H2BC6: variants seen among roughly 807,000 people sequenced by gnomAD.
H2BC6 encodes the protein histone H2B type 1-C/E/F/G/I.
Under a neutral mutation model 6.1 loss-of-function variants are expected in H2BC6, and 8 were observed. The ratio of observed to expected loss-of-function variants is 1.31; its 90% CI spans 0.77 to 2.36. H2BC6 has a LOEUF of 2.36. Among genes scored for constraint, H2BC6 ranks in the 30% most tolerant of loss-of-function variants. The pLI is 0.00. For missense variants in H2BC6, 212 were observed against 169.9 expected, an observed-to-expected ratio of 1.25 and a Z score of -1.38; for synonymous variants, 136 against 73.9, an observed-to-expected ratio of 1.84 and a Z score of -4.31.
rs540248226 is a variant in H2BC6 at position 26,184,214 on chromosome 6, C to G, written c.*38C>G. 2 of 1,605,228 alleles carry G rather than the reference C, an allele frequency of 1.2e-6. No individual in the cohort carries two copies. Among genetic ancestry groups the G allele is most frequent in the Non-Finnish European group, 8.5e-7 (1 of 1,175,788 alleles). On this transcript the variant is annotated 3_prime_UTR_variant, in exon 1 of 1. Transcript: ENST00000614097. ...AACTGCCTTAGTAAACCCAAAGGCT[C>G]TTTTCAGAGCCACTCACCTTTTCAC...
Position 26,183,993 on chromosome 6 carries a change from T to C in H2BC6, c.198T>C (p.Phe66=), listed in dbSNP as rs779423507. ...SSKAMGIMNS[F]VNDIFERIAG... ...AAGCCATGGGGATCATGAATTCCTT[T>C]GTCAACGACATCTTCGAGCGCATCG... Residue 66 remains phenylalanine, a synonymous_variant, in exon 1 of 1, where the codon TTT becomes TTC. Coordinates refer to ENST00000614097, the MANE Select transcript of H2BC6 (RefSeq NM_003523.3). The C allele has an allele frequency of 5.0e-6, 8 of 1,614,240 alleles. No individual in the cohort carries two copies. The Admixed American group carries it at 6.7e-5, about 13-fold the overall frequency.
In H2BC6 at chr6:26,184,195, C is replaced by G. The variant is rs1764746973; in HGVS notation, c.*19C>G. 3.7e-6 allele frequency: 6 copies of G among 1,612,916 alleles called. No individual in the cohort carries two copies. The East Asian group carries it at 1.3e-4, about 36-fold the overall frequency. ...CAAGTAAACTTGTCCCTGCAACTGC[C>G]TTAGTAAACCCAAAGGCTCTTTTCA... On this transcript the variant is annotated 3_prime_UTR_variant, in exon 1 of 1. Transcript: ENST00000614097.
rs1764743075 is a variant in H2BC6, at chr6:26,184,036, C to T, written c.241C>T (p.Leu81=). The change falls in exon 1 of 1, where the codon CTG becomes TTG. Residue 81 remains leucine, a synonymous_variant. Transcript: ENST00000614097. ...FERIAGEASR[L]AHYNKRSTIT... ...GCGCATCGCCGGCGAGGCTTCCCGC[C>T]TGGCGCATTACAACAAGCGCTCGAC... The T allele has an allele frequency of 6.2e-7, 1 of 1,614,248 alleles. No individual in the cohort carries two copies. Among genetic ancestry groups the T allele is most frequent in the Non-Finnish European group, 8.5e-7 (1 of 1,180,040 alleles).
chr6:26,184,152 T>C lies in H2BC6; in HGVS notation c.357T>C (p.Val119=), dbSNP rs1180019346. 1 of 1,614,210 alleles carries C rather than the reference T, an allele frequency of 6.2e-7. No individual in the cohort carries two copies. Among genetic ancestry groups the C allele is most frequent in the Non-Finnish European group, 8.5e-7 (1 of 1,180,032 alleles). Residue 119 remains valine, a synonymous_variant, in exon 1 of 1, where the codon GTT becomes GTC. Transcript: ENST00000614097. ...CTGTGTCAGAGGGCACCAAGGCCGTTACCAAGTACACCAGCTCCAAGTAAA... is the reference window on the plus strand; with the variant it reads ...CTGTGTCAGAGGGCACCAAGGCCGTCACCAAGTACACCAGCTCCAAGTAAA... ...KHAVSEGTKA[V]TKYTSSK
In H2BC6 at chr6:26,184,128, T is replaced by C. The variant is rs767737385; in HGVS notation, c.333T>C (p.Ala111=). ...LLLPGELAKH[A]VSEGTKAVTK... ...TTCCCGGGGAGCTGGCCAAGCACGC[T>C]GTGTCAGAGGGCACCAAGGCCGTTA... Residue 111 remains alanine (A), a synonymous_variant, in exon 1 of 1, where the codon GCT becomes GCC. Coordinates refer to ENST00000614097, the MANE Select transcript of H2BC6 (RefSeq NM_003523.3). 3.7e-6 allele frequency: 6 copies of C among 1,614,116 alleles called. No homozygotes were observed. The highest frequency in any genetic ancestry group is 2.2e-5 in the East Asian group (1 of 44,906).
chr6:26,183,999 C>T lies in H2BC6; in HGVS notation c.204C>T (p.Asn68=). 5.6e-6 allele frequency: 9 copies of T among 1,614,250 alleles called. No homozygotes were observed. Among genetic ancestry groups the T allele is most frequent in the Non-Finnish European group, 7.6e-6 (9 of 1,180,044 alleles). The change falls in exon 1 of 1, where the codon AAC becomes AAT. Residue 68 remains asparagine, a synonymous_variant. Transcript: ENST00000614097. The part of the protein sequence containing the change: ...KAMGIMNSFV[N]DIFERIAGEA... ...TGGGGATCATGAATTCCTTTGTCAA[C>T]GACATCTTCGAGCGCATCGCCGGCG...
rs989909848 is a variant in H2BC6 at position 26,183,841 on chromosome 6, A to G, written c.46A>G (p.Lys16Glu). 1.2e-5 allele frequency: 19 copies of G among 1,614,250 alleles called. No individual in the cohort carries two copies. Among genetic ancestry groups the G allele is most frequent in the Non-Finnish European group, 1.4e-5 (17 of 1,180,038 alleles). The change falls in exon 1 of 1, where the codon AAG becomes GAG. Residue 16 changes from lysine to glutamate, a missense_variant. Lys to Glu is a moderately conservative substitution (Grantham distance 56). Transcript: ENST00000614097. Reference sequence around the variant, plus strand: ...CGCTCCCGCCCCGAAGAAGGGCTCCAAGAAGGCCGTGACCAAGGCGCAGAA... The same window carrying G: ...CGCTCCCGCCCCGAAGAAGGGCTCCGAGAAGGCCGTGACCAAGGCGCAGAA... ...KSAPAPKKGSKKAVTKAQKKD... is the reference protein window; with the variant it reads ...KSAPAPKKGSEKAVTKAQKKD...
rs1048570448 is a variant in H2BC6, at chr6:26,183,906, C to T, written c.111C>T (p.Ser37=). The T allele has an allele frequency of 1.9e-6, 3 of 1,614,164 alleles. No individual in the cohort carries two copies. In the African/African-American group the frequency reaches 4.0e-5, roughly 22 times the overall value. ...AGCGCAAGCGCAGCCGCAAGGAGAG[C>T]TACTCCGTATACGTGTACAAGGTGC... The part of the protein sequence containing the change: ...GKKRKRSRKE[S]YSVYVYKVLK... The change falls in exon 1 of 1, where the codon AGC becomes AGT. Residue 37 remains serine, a synonymous_variant. Transcript: ENST00000614097.
rs911935879 is a variant in H2BC6 at position 26,184,191 on chromosome 6, C to G, written c.*15C>G. 2 of 1,613,238 alleles carry G rather than the reference C, an allele frequency of 1.2e-6. No homozygotes were observed. The highest frequency in any genetic ancestry group is 2.7e-5 in the African/African-American group (2 of 74,878). ...GCTCCAAGTAAACTTGTCCCTGCAA[C>G]TGCCTTAGTAAACCCAAAGGCTCTT... On this transcript the variant is annotated 3_prime_UTR_variant, in exon 1 of 1. Transcript: ENST00000614097.
rs369028901 is a variant in H2BC6, at chr6:26,183,915, A to T, written c.120A>T (p.Val40=). ...GCAGCCGCAAGGAGAGCTACTCCGT[A>T]TACGTGTACAAGGTGCTGAAACAGG... is the stretch of plus-strand genomic sequence containing the variant. ...RKRSRKESYS[V]YVYKVLKQVH... Residue 40 remains valine (V), a synonymous_variant, in exon 1 of 1, where the codon GTA becomes GTT. Coordinates refer to ENST00000614097, the MANE Select transcript of H2BC6 (RefSeq NM_003523.3). The T allele has an allele frequency of 1.2e-6, 2 of 1,614,262 alleles. No homozygotes were observed. The highest frequency in any genetic ancestry group is 1.7e-5 in the Admixed American group (1 of 60,034).
rs771832548 is a variant in H2BC6, at chr6:26,184,173, G to C, written c.378G>C (p.Lys126Asn). 1.2e-6 allele frequency: 2 copies of C among 1,614,050 alleles called. No individual in the cohort carries two copies. Among genetic ancestry groups the C allele is most frequent in the South Asian group, 1.1e-5 (1 of 91,082 alleles). ...CCGTTACCAAGTACACCAGCTCCAAGTAAACTTGTCCCTGCAACTGCCTTA... is the reference window on the plus strand; with the variant it reads ...CCGTTACCAAGTACACCAGCTCCAACTAAACTTGTCCCTGCAACTGCCTTA... ...TKAVTKYTSS[K>N] Residue 126 changes from lysine to asparagine, a missense_variant, in exon 1 of 1, where the codon AAG (lysine) becomes AAC (asparagine). Physicochemically the swap from Lys to Asn is moderately conservative, Grantham distance 94. Coordinates refer to ENST00000614097, the MANE Select transcript of H2BC6 (RefSeq NM_003523.3).
Position 26,183,989 on chromosome 6 carries a change from C to T in H2BC6, c.194C>T (p.Ser65Phe), listed in dbSNP as rs1234254966. 10 of 1,614,268 alleles carry T rather than the reference C, an allele frequency of 6.2e-6. No individual in the cohort carries two copies. The highest frequency in any genetic ancestry group is 7.6e-6 in the Non-Finnish European group (9 of 1,180,046). The change falls in exon 1 of 1, where the codon TCC becomes TTC. Residue 65 changes from serine (S) to phenylalanine (F), a missense_variant. Ser to Phe is a radical substitution (Grantham distance 155, BLOSUM62 -2). Transcript: ENST00000614097. Reference protein sequence around the residue: ...ISSKAMGIMNSFVNDIFERIA... With the variant: ...ISSKAMGIMNFFVNDIFERIA... ...TCTAAAGCCATGGGGATCATGAATT[C>T]CTTTGTCAACGACATCTTCGAGCGC...
In H2BC6 at chr6:26,183,783, C is replaced by A. The variant is rs116848504; in HGVS notation, c.-13C>A. ...TTCATTTTCTTTCCTAACTGCAGAA[C>A]AGCAAAGATAGCATGCCTGAGCCAG... On this transcript the variant is annotated 5_prime_UTR_variant, in exon 1 of 1. Coordinates refer to ENST00000614097, the MANE Select transcript of H2BC6 (RefSeq NM_003523.3). 2.9e-5 allele frequency: 46 copies of A among 1,613,580 alleles called. 2 individuals are homozygous for A. The highest frequency in any genetic ancestry group is 2.2e-4 in the East Asian group (10 of 44,886).
chr6:26,183,946 C>G lies in H2BC6; in HGVS notation c.151C>G (p.Pro51Ala). 6.2e-7 allele frequency: 1 copy of G among 1,614,236 alleles called. No individual in the cohort carries two copies. The highest frequency in any genetic ancestry group is 8.5e-7 in the Non-Finnish European group (1 of 1,180,046). ...GTACAAGGTGCTGAAACAGGTCCAC[C>G]CCGACACCGGCATCTCCTCTAAAGC... Reference protein sequence around the residue: ...YVYKVLKQVHPDTGISSKAMG... With the variant: ...YVYKVLKQVHADTGISSKAMG... The change falls in exon 1 of 1, where the codon CCC becomes GCC. Residue 51 changes from proline to alanine, a missense_variant. Coordinates refer to ENST00000614097, the MANE Select transcript of H2BC6 (RefSeq NM_003523.3).
Position 26,183,927 on chromosome 6 carries a change from G to A in H2BC6, c.132G>A (p.Lys44=), listed in dbSNP as rs1372282406. 4 of 1,614,132 alleles carry A rather than the reference G, an allele frequency of 2.5e-6. No individual in the cohort carries two copies. The highest frequency in any genetic ancestry group is 3.4e-6 in the Non-Finnish European group (4 of 1,180,052). Reference sequence around the variant, plus strand: ...AGAGCTACTCCGTATACGTGTACAAGGTGCTGAAACAGGTCCACCCCGACA... The same window carrying A: ...AGAGCTACTCCGTATACGTGTACAAAGTGCTGAAACAGGTCCACCCCGACA... The part of the protein sequence containing the change: ...RKESYSVYVY[K]VLKQVHPDTG... The change falls in exon 1 of 1, where the codon AAG becomes AAA. Residue 44 remains lysine, a synonymous_variant. Coordinates refer to ENST00000614097, the MANE Select transcript of H2BC6 (RefSeq NM_003523.3).
In H2BC6 at chr6:26,183,890, G is replaced by A. The variant is rs1489714828; in HGVS notation, c.95G>A (p.Arg32His). 7.4e-6 allele frequency: 12 copies of A among 1,614,134 alleles called. No individual in the cohort carries two copies. The highest frequency in any genetic ancestry group is 9.3e-6 in the Non-Finnish European group (11 of 1,180,058). ...AQKKDGKKRK[R>H]SRKESYSVYV... is the part of the protein sequence containing the mutation. ...AAGAAGGACGGCAAGAAGCGCAAGC[G>A]CAGCCGCAAGGAGAGCTACTCCGTA... is the stretch of plus-strand genomic sequence containing the variant. The change falls in exon 1 of 1, where the codon CGC (arginine) becomes CAC (histidine). Residue 32 changes from arginine (R) to histidine (H), a missense_variant. Transcript: ENST00000614097.
chr6:26,183,854 C>T lies in H2BC6; in HGVS notation c.59C>T (p.Thr20Ile). The T allele has an allele frequency of 1.9e-6, 3 of 1,614,208 alleles. No homozygotes were observed. The highest frequency in any genetic ancestry group is 1.1e-5 in the South Asian group (1 of 91,086). The change falls in exon 1 of 1, where the codon ACC (threonine) becomes ATC (isoleucine). Residue 20 changes from threonine to isoleucine, a missense_variant. Thr to Ile is a moderately conservative substitution (Grantham distance 89). Coordinates refer to ENST00000614097, the MANE Select transcript of H2BC6 (RefSeq NM_003523.3). ...APKKGSKKAV[T>I]KAQKKDGKKR... is the part of the protein sequence containing the mutation. ...AAGAAGGGCTCCAAGAAGGCCGTGA[C>T]CAAGGCGCAGAAGAAGGACGGCAAG... is the stretch of plus-strand genomic sequence containing the variant.
chr6:26,183,833 A>C lies in H2BC6; in HGVS notation c.38A>C (p.Lys13Thr). ...GCGAAATCCGCTCCCGCCCCGAAGA[A>C]GGGCTCCAAGAAGGCCGTGACCAAG... ...EPAKSAPAPKKGSKKAVTKAQ... is the reference protein window; with the variant it reads ...EPAKSAPAPKTGSKKAVTKAQ... Residue 13 changes from lysine to threonine, a missense_variant, in exon 1 of 1, where the codon AAG becomes ACG. Lys to Thr is a moderately conservative substitution (Grantham distance 78). Coordinates refer to ENST00000614097, the MANE Select transcript of H2BC6 (RefSeq NM_003523.3). 1 of 1,614,254 alleles carries C rather than the reference A, an allele frequency of 6.2e-7. No homozygotes were observed. Among genetic ancestry groups the C allele is most frequent in the Non-Finnish European group, 8.5e-7 (1 of 1,180,046 alleles).
Position 26,183,921 on chromosome 6 carries a change from G to T in H2BC6, c.126G>T (p.Val42=). The T allele has an allele frequency of 6.2e-7, 1 of 1,614,270 alleles. No individual in the cohort carries two copies. Among genetic ancestry groups the T allele is most frequent in the Non-Finnish European group, 8.5e-7 (1 of 1,180,056 alleles). ...GCAAGGAGAGCTACTCCGTATACGT[G>T]TACAAGGTGCTGAAACAGGTCCACC... ...RSRKESYSVY[V]YKVLKQVHPD... Residue 42 remains valine (V), a synonymous_variant, in exon 1 of 1, where the codon GTG becomes GTT. Transcript: ENST00000614097.
Sources: gnomAD v4.1 joint callset for allele counts on GRCh38, gnomAD v4.1.1 for gene constraint, MANE v1.5 for transcripts, NCBI Gene and HGNC (gene_info 2026-07-23, HGNC 2026-07-21) for gene names.